Variants in C8orf74 observed in about 807,000 individuals in gnomAD.
C8orf74 encodes uncharacterized protein C8orf74.
In C8orf74, 29 loss-of-function variants were observed where a neutral mutation model predicts 22.2. The observed-to-expected ratio is 1.31, with a 90% CI of 0.97 to 1.78. C8orf74 has a LOEUF of 1.78. Ranked by LOEUF, C8orf74 falls within the 40% of genes most tolerant of loss-of-function variation. The pLI, the probability that C8orf74 is intolerant of heterozygous loss-of-function variation, is 0.00. For missense variants in C8orf74, 515 were observed against 369.9 expected (o/e 1.39, Z -3.22); for synonymous variants, 255 against 163.1 (o/e 1.56, Z -4.30).
chr8:10,675,748 T>C (rs901540411), intron 2 of C8orf74: 3 of 152,138 alleles, frequency 2.0e-5, no homozygotes, highest in Non-Finnish European at 4.4e-5. Context: ...ATGGCCCGAA[T>C]CTAATCAAGA....
chr8:10,697,717 C>T lies in C8orf74; in HGVS notation c.360C>T (p.Arg120=). 2 of 1,614,048 alleles carry T rather than the reference C, an allele frequency of 1.2e-6. No homozygotes were observed. Among genetic ancestry groups the T allele is most frequent in the Non-Finnish European group, 1.7e-6 (2 of 1,179,900 alleles). ...ACTACTTCCACCACACCTTCATCCGCCACTACAAACTCTACCAGTATGTCC... is the reference window on the plus strand; with the variant it reads ...ACTACTTCCACCACACCTTCATCCGTCACTACAAACTCTACCAGTATGTCC... The part of the protein sequence containing the change: ...LCDYFHHTFI[R]HYKLYQYVLG... The change falls in exon 3 of 4, where the codon CGC becomes CGT. Residue 120 remains arginine (R), a synonymous_variant. Coordinates refer to ENST00000304519, the MANE Select transcript of C8orf74 (RefSeq NM_001040032.2).
chr8:10,682,041 G>T (rs1586035835), intron 2 of C8orf74, among the ~76,000 whole-genome samples: 1 of 152,314 alleles, frequency 6.6e-6, no homozygotes, highest in Admixed American at 6.5e-5. Flanking sequence ...CATGCCCACG[G>T]TCTGCCCGGC....
At chr8:10,687,625 AAAAAAAAAAAAAG>A (rs1418868472) in intron 2 of C8orf74, among the ~76,000 whole-genome samples, 2 of 151,786 alleles carry the variant, frequency 1.3e-5, no homozygotes, top group African/African-American at 4.8e-5. Context: ...CAAAAAAAAA[AAAAAAAAAAAAAG>A]AAAGAGATTG....
rs74413578 is a variant in C8orf74 at position 10,683,139 on chromosome 8, C to T, written c.241+8301C>T. On this transcript the variant is annotated intron_variant, in intron 2 of 3. Coordinates refer to ENST00000304519, the MANE Select transcript of C8orf74 (RefSeq NM_001040032.2). ...CCCCATGGCGAGTGGGCCAGGGCTG[C>T]GGAGTGCAGACGGAGCAACACCTGG... 8.4e-3 allele frequency among the ~76,000 whole-genome samples: 1,281 copies of T among 152,290 alleles called. 24 individuals carry two copies. Among genetic ancestry groups the T allele is most frequent in the African/African-American group, 0.029 (1,187 of 41,552 alleles).
chr8:10,678,356 C>A (rs914277041), intron 2 of C8orf74, among the ~76,000 whole-genome samples: 6 of 152,218 alleles, frequency 3.9e-5, no homozygotes, highest in Admixed American at 3.9e-4. Context: ...GCCTAGGAAG[C>A]GCCCAGTGAG....
chr8:10,691,060 G>A (rs1170032022), intron 2 of C8orf74: 1 of 406,382 alleles, frequency 2.5e-6, no homozygotes, highest in African/African-American at 2.0e-5. Context: ...CCGAGGCCCA[G>A]GGAGTGTGGT....
At position 10,700,368 on chromosome 8, in the gene C8orf74, C is replaced by T. The variant is rs763235489; in HGVS notation, c.782C>T (p.Ala261Val). 3.7e-6 allele frequency: 6 copies of T among 1,609,838 alleles called. No homozygotes were observed. Among genetic ancestry groups the T allele is most frequent in the South Asian group, 1.1e-5 (1 of 90,964 alleles). Residue 261 changes from alanine (A) to valine (V), a missense_variant, in exon 4 of 4, where the codon GCC becomes GTC. Ala to Val is a moderately conservative substitution (Grantham distance 64). Transcript: ENST00000304519. ...KLQKKTLNLNAPTPIPPPITS... is the reference protein window; with the variant it reads ...KLQKKTLNLNVPTPIPPPITS... ...CAGAAGAAGACTCTGAACCTCAACG[C>T]CCCCACCCCTATCCCGCCCCCCATC...
Position 10,698,009 on chromosome 8 carries a change from A to G in C8orf74, c.648+4A>G, listed in dbSNP as rs764790893. The G allele has an allele frequency of 6.8e-7, 1 of 1,468,614 alleles. No homozygotes were observed. Among genetic ancestry groups the G allele is most frequent in the South Asian group, 1.4e-5 (1 of 72,552 alleles). 91.0% of individuals were successfully genotyped at this position (1,468,614 alleles called of 1,614,324 possible). The stretch of plus-strand genomic sequence containing the variant: ...CGGCCAGGTCCTGGAGAGACAGGTG[A>G]GGCTCTGCCCCCCTGCCGTGGGTGG... On this transcript the variant is annotated splice_donor_region_variant and intron_variant, in intron 3 of 3. Coordinates refer to ENST00000304519, the MANE Select transcript of C8orf74 (RefSeq NM_001040032.2).
chr8:10,694,470 G>C (rs566538749), intron 2 of C8orf74, among the ~76,000 whole-genome samples: 1 of 152,264 alleles, frequency 6.6e-6, no homozygotes, highest in East Asian at 1.9e-4. Flanking sequence ...AAAGGGGAAA[G>C]TGGGCTGGAG....
chr8:10,684,068 G>A (rs1467309911), intron 2 of C8orf74, among the ~76,000 whole-genome samples: 2 of 152,180 alleles, frequency 1.3e-5, no homozygotes, highest in Non-Finnish European at 2.9e-5. Context: ...GAGGACCAGG[G>A]AAGGGGATGA....
intron 2 of C8orf74, among the ~76,000 whole-genome samples, chr8:10,681,707 G>A (rs1250080050): frequency 2.6e-5 from 4 of 152,176 alleles, no homozygotes; most frequent in Admixed American, 2.0e-4. Context: ...TGGCAGGCAC[G>A]GCCTCTCTTG....
At chr8:10,680,746 C>T (rs1376542471) in intron 2 of C8orf74, among the ~76,000 whole-genome samples, 1 of 152,176 alleles carries the variant, frequency 6.6e-6, no homozygotes, top group Non-Finnish European at 1.5e-5. Flanking sequence ...GAGCAGGAAG[C>T]TGTTTGCTGT....
Position 10,698,020 on chromosome 8 carries a change from C to A in C8orf74, c.648+15C>A. The A allele has an allele frequency of 1.4e-6, 2 of 1,452,786 alleles. No individual in the cohort carries two copies. Among genetic ancestry groups the A allele is most frequent in the South Asian group, 2.8e-5 (2 of 70,384 alleles). The allele number at this position is 1,452,786 out of a possible 1,614,324, so 90.0% of individuals were successfully genotyped here. A position where few individuals can be genotyped will look rare whatever the true frequency, so the allele number is the denominator to read the frequency against. On this transcript the variant is annotated intron_variant, in intron 3 of 3. Transcript: ENST00000304519. Reference sequence around the variant, plus strand: ...TGGAGAGACAGGTGAGGCTCTGCCCCCCTGCCGTGGGTGGGCACCTGGGCC... The same window carrying A: ...TGGAGAGACAGGTGAGGCTCTGCCCACCTGCCGTGGGTGGGCACCTGGGCC...
chr8:10,686,470 C>T (rs910149451), intron 2 of C8orf74: 1 of 152,458 alleles, frequency 6.6e-6, no homozygotes, highest in African/African-American at 2.4e-5. Flanking sequence ...CACTGGGCAG[C>T]AACCACATGT....
chr8:10,680,371 A>G (rs1025854082), intron 2 of C8orf74, among the ~76,000 whole-genome samples: 20 of 152,250 alleles, frequency 1.3e-4, no homozygotes, highest in Non-Finnish European at 2.8e-4. Flanking sequence ...TCAGACATGC[A>G]GCACTCACAG....
chr8:10,694,997 TGATG>T (rs1799459743), intron 2 of C8orf74, among the ~76,000 whole-genome samples: 1 of 148,420 alleles, frequency 6.7e-6, no homozygotes, highest in East Asian at 2.0e-4. Context: ...AGTGGAAGGA[TGATG>T]GATGAATGGA....
intron 2 of C8orf74, among the ~76,000 whole-genome samples, chr8:10,681,488 G>A (rs535137630): frequency 6.6e-6 from 1 of 152,162 alleles, no homozygotes; most frequent in Admixed American, 6.5e-5. Flanking sequence ...GGATGTGGGG[G>A]CCTTGAGGAG....
At chr8:10,678,857 G>A (rs891687443) in intron 2 of C8orf74, among the ~76,000 whole-genome samples, 1 of 152,196 alleles carries the variant, frequency 6.6e-6, no homozygotes, top group African/African-American at 2.4e-5. Context: ...GGTGCCTGCT[G>A]TCCCTGAGCC....
intron 2 of C8orf74, among the ~76,000 whole-genome samples, chr8:10,685,111 C>CT (rs1799234769): frequency 6.6e-6 from 1 of 152,192 alleles, no homozygotes; most frequent in Non-Finnish European, 1.5e-5. Context: ...TTTACTTAAT[C>CT]TTTTTGGACT....
Sources: allele counts gnomAD v4.1 joint callset (sites outside exome capture counted in the v4.1 genomes callset), GRCh38; gene constraint gnomAD v4.1.1; transcripts MANE v1.5; gene names NCBI Gene and HGNC (gene_info 2026-07-23, HGNC 2026-07-21).